NPFFR2: variants seen among roughly 807,000 people sequenced by gnomAD.
NPFFR2 encodes G-protein coupled receptor 74.
A neutral mutation model predicts 13.1 loss-of-function variants in NPFFR2; 15 were observed. That is an observed-to-expected ratio of 1.15 (90% confidence interval 0.77 to 1.76). The LOEUF is 1.76. Among genes scored for constraint, NPFFR2 ranks in the 40% most tolerant of loss-of-function variants. The pLI is 0.00. For missense variants in NPFFR2, 572 were observed against 503.5 expected (o/e 1.14, Z -1.30); for synonymous variants, 190 against 175.7 (o/e 1.08, Z -0.65).
At chr4:72,064,785 T>C (rs1720018458) in intron 1 of NPFFR2, among the ~76,000 whole-genome samples, 1 of 152,148 alleles carries the variant, frequency 6.6e-6, no homozygotes, top group South Asian at 2.1e-4. Context: ...TCTACTGAAA[T>C]GACTAGAGAG....
At position 72,088,370 on chromosome 4, in the gene NPFFR2, G is replaced by T. The variant is rs10015303; in HGVS notation, c.-7-40215G>T. Among the ~76,000 whole-genome samples, 1,205 of 151,938 alleles carry T rather than the reference G, an allele frequency of 7.9e-3. 6 individuals are homozygous for T. The highest frequency in any genetic ancestry group is 0.017 in the African/African-American group (693 of 41,468). On this transcript the variant is annotated intron_variant, in intron 1 of 3. Coordinates refer to ENST00000308744, the MANE Select transcript of NPFFR2 (RefSeq NM_004885.3). ...AATGTGTAGGTTTTGACCTTTAAGG[G>T]AAGATGAATTTTAAGGAGCAGATTT...
chr4:72,036,641 A>G (rs982434966), intron 1 of NPFFR2, among the ~76,000 whole-genome samples: 17 of 149,802 alleles, frequency 1.1e-4, no homozygotes, highest in African/African-American at 2.4e-5. Flanking sequence ...CTGAGTCAAA[A>G]TTATTTTCAT....
chr4:72,122,066 G>A (rs543680325), intron 1 of NPFFR2, among the ~76,000 whole-genome samples: 3 of 151,074 alleles, frequency 2.0e-5, no homozygotes, highest in African/African-American at 7.3e-5. Context: ...TATTTACCAG[G>A]CAAATGAAAA....
At chr4:72,116,839 G>A (rs1004020360) in intron 1 of NPFFR2, among the ~76,000 whole-genome samples, 2 of 151,974 alleles carry the variant, frequency 1.3e-5, no homozygotes, top group African/African-American at 4.8e-5. Context: ...TGTTTGTGTT[G>A]TATCTTCTTT....
intron 1 of NPFFR2, among the ~76,000 whole-genome samples, chr4:72,121,849 G>T (rs1048824423): frequency 2.0e-5 from 3 of 151,978 alleles, no homozygotes; most frequent in African/African-American, 7.2e-5. Context: ...TCAACTAACA[G>T]GCAAAATTAC....
At chr4:72,144,157 C>T (rs1722708165) in intron 3 of NPFFR2, among the ~76,000 whole-genome samples, 1 of 151,610 alleles carries the variant, frequency 6.6e-6, no homozygotes, top group Non-Finnish European at 1.5e-5. Flanking sequence ...CCTTCTTTCA[C>T]TCTCCTGTTG....
Position 72,033,009 on chromosome 4 carries a change from T to C in NPFFR2, c.-8+809T>C, listed in dbSNP as rs188372847. Among the ~76,000 whole-genome samples the C allele has an allele frequency of 3.9e-3, 587 of 152,358 alleles. 3 individuals are homozygous for C. The highest frequency in any genetic ancestry group is 0.014 in the African/African-American group (564 of 41,584). ...TATACAAAGATGCTGGTTTCCTTTTTTTAATCCAAATATTCAAAGTTGTTT... is the reference window on the plus strand; with the variant it reads ...TATACAAAGATGCTGGTTTCCTTTTCTTAATCCAAATATTCAAAGTTGTTT... On this transcript the variant is annotated intron_variant, in intron 1 of 3. Coordinates refer to ENST00000308744, the MANE Select transcript of NPFFR2 (RefSeq NM_004885.3).
At chr4:72,032,322 A>T in intron 1 of NPFFR2, 122 bp downstream of exon 1, 2 of 1,131,840 alleles carry the variant, frequency 1.8e-6, no homozygotes, top group East Asian at 2.7e-5. Context: ...GGATTTTTCA[A>T]ATCCCTTCCT....
chr4:72,090,647 G>A (rs567393285), intron 1 of NPFFR2, among the ~76,000 whole-genome samples: 2 of 152,160 alleles, frequency 1.3e-5, no homozygotes, highest in African/African-American at 2.4e-5. Flanking sequence ...TTGGTGTTTA[G>A]CAGTGCTACT....
At chr4:72,061,012 CAG>C (rs1376212970) in intron 1 of NPFFR2, among the ~76,000 whole-genome samples, 1 of 152,064 alleles carries the variant, frequency 6.6e-6, no homozygotes, top group Non-Finnish European at 1.5e-5. Context: ...ACATTTAAGT[CAG>C]AGAATATATG....
chr4:72,126,890 A>G (rs564262153), intron 1 of NPFFR2, among the ~76,000 whole-genome samples: 41 of 152,072 alleles, frequency 2.7e-4, no homozygotes, highest in Non-Finnish European at 5.0e-4. Flanking sequence ...TCCATTCCTG[A>G]TTTTGTTTTG....
At chr4:72,111,859 TC>T (rs957466773) in intron 1 of NPFFR2, among the ~76,000 whole-genome samples, 1 of 151,986 alleles carries the variant, frequency 6.6e-6, no homozygotes, top group Non-Finnish European at 1.5e-5. Flanking sequence ...CTGATGCTAG[TC>T]CCCCCAACAT....
chr4:72,092,911 A>T (rs1720954641), intron 1 of NPFFR2, among the ~76,000 whole-genome samples: 1 of 151,644 alleles, frequency 6.6e-6, no homozygotes, highest in Non-Finnish European at 1.5e-5. Flanking sequence ...TCTTTTCATC[A>T]TATTGTTTTA....
intron 1 of NPFFR2, among the ~76,000 whole-genome samples, chr4:72,125,171 A>G (rs1341555253): frequency 6.6e-6 from 1 of 152,206 alleles, no homozygotes; most frequent in Non-Finnish European, 1.5e-5. Flanking sequence ...AAACATATGG[A>G]AAAAAAGCTC....
intron 1 of NPFFR2, among the ~76,000 whole-genome samples, chr4:72,092,257 A>T (rs561131885): frequency 2.0e-5 from 3 of 152,078 alleles, no homozygotes; most frequent in African/African-American, 7.2e-5. Context: ...GTGGCCTATC[A>T]TATGGTCTAT....
intron 1 of NPFFR2, among the ~76,000 whole-genome samples, chr4:72,037,859 A>G (rs1469865532): frequency 6.6e-6 from 1 of 152,174 alleles, no homozygotes; most frequent in African/African-American, 2.4e-5. Context: ...TAGTGGCCCT[A>G]TGCTTCCCTT....
chr4:72,125,636 T>G (rs1206555139), intron 1 of NPFFR2, among the ~76,000 whole-genome samples: 1 of 152,216 alleles, frequency 6.6e-6, no homozygotes, highest in African/African-American at 2.4e-5. Flanking sequence ...TTGCTTTTCT[T>G]TTCCAGCTAC....
intron 1 of NPFFR2, among the ~76,000 whole-genome samples, chr4:72,086,807 G>A (rs1028625751): frequency 4.6e-5 from 7 of 151,968 alleles, no homozygotes; most frequent in Admixed American, 1.3e-4. Flanking sequence ...ACAATTGTTG[G>A]TAGAGATTGA....
At chr4:72,032,344 C>A in intron 1 of NPFFR2, 144 bp downstream of exon 1, 4 of 930,380 alleles carry the variant, frequency 4.3e-6, no homozygotes, top group Non-Finnish European at 6.4e-6. Context: ...ATTACACAGG[C>A]ACCCGCTTGG....
Sources: gnomAD v4.1 joint callset for allele counts (sites outside exome capture counted in the v4.1 genomes callset) on GRCh38, gnomAD v4.1.1 for gene constraint, MANE v1.5 for transcripts, NCBI Gene and HGNC (gene_info 2026-07-23, HGNC 2026-07-21) for gene names.